RNMT: variants seen among roughly 807,000 people sequenced by gnomAD.
RNMT encodes mRNA cap guanine-N(7) methyltransferase.
RNMT carries 27 observed loss-of-function variants against 56.0 expected under a neutral mutation model. The ratio of observed to expected loss-of-function variants is 0.48; its 90% CI spans 0.36 to 0.67. The LOEUF is 0.67. Among genes scored for constraint, RNMT ranks in the 30% least tolerant of loss-of-function variants. The pLI is 0.00. For synonymous variants in RNMT, 184 were observed against 176.2 expected, an observed-to-expected ratio of 1.04 and a Z score of -0.35; for missense variants, 519 against 552.1, an observed-to-expected ratio of 0.94 and a Z score of 0.60.
intron 5 of RNMT, among the ~76,000 whole-genome samples, chr18:13,739,237 C>A (rs1184092151): frequency 6.6e-6 from 1 of 152,150 alleles, no homozygotes; most frequent in Non-Finnish European, 1.5e-5. Context: ...TGTTAGGTAG[C>A]AGAAATGTTT....
At position 13,762,067 on chromosome 18, in the gene RNMT, A is replaced by G. The variant is rs1354561713; in HGVS notation, c.*2088A>G. The G allele has an allele frequency of 6.5e-7, 1 of 1,536,058 alleles. No homozygotes were observed. Among genetic ancestry groups the G allele is most frequent in the African/African-American group, 1.4e-5 (1 of 73,134 alleles). Reference sequence around the variant, plus strand: ...TTACGGTAACTATTATGAGGGAGGCATGGCTTTCCACCGTCGGGCCAGGAA... The same window carrying G: ...TTACGGTAACTATTATGAGGGAGGCGTGGCTTTCCACCGTCGGGCCAGGAA... On this transcript the variant is annotated 3_prime_UTR_variant, in exon 12 of 12. Transcript: ENST00000383314.
chr18:13,743,322 C>CAAAA (rs55940639), intron 8 of RNMT, among the ~76,000 whole-genome samples: 18 of 28,170 alleles, frequency 6.4e-4, no homozygotes, highest in South Asian at 1.8e-3. Context: ...AACTCCGTCT[C>CAAAA]AAAAAAAAAA....
chr18:13,761,843 A>ACCCCCCCCCCCCC lies in RNMT; in HGVS notation c.*1870_*1871insCCCCCCCCCCCCC. The ACCCCCCCCCCCCC allele has an allele frequency of 1.7e-6, 2 of 1,149,692 alleles. No individual in the cohort carries two copies. The highest frequency in any genetic ancestry group is 1.8e-5 in the South Asian group (1 of 54,954). The allele number at this position is 1,149,692 out of a possible 1,614,324, so 71.2% of individuals were successfully genotyped here. A position where few individuals can be genotyped will look rare whatever the true frequency, so the allele number is the denominator to read the frequency against. On this transcript the variant is annotated 3_prime_UTR_variant, in exon 12 of 12. Coordinates refer to ENST00000383314, the MANE Select transcript of RNMT (RefSeq NM_003799.3). ...ATCAGTTCTTCCTCCACCACCCTACACCCCCCTCCCCCCGGCCCCAAGCCC... is the reference window on the plus strand; with the variant it reads ...ATCAGTTCTTCCTCCACCACCCTACACCCCCCCCCCCCCCCCCCCTCCCCCCGGCCCCAAGCCC...
rs563132015 is a variant in RNMT at position 13,731,772 on chromosome 18, T to C, written c.255T>C (p.Asp85=). The C allele has an allele frequency of 2.5e-6, 4 of 1,612,928 alleles. No homozygotes were observed. The East Asian group carries it at 6.7e-5, about 27-fold the overall frequency. ...CTCCATCCAAGAAGAGAAAACTTGA[T>C]CCTGAAATTGTCCCAGAGGAAAAAG... The part of the protein sequence containing the change: ...KDTPSKKRKL[D]PEIVPEEKDC... Residue 85 remains aspartate (D), a synonymous_variant, in exon 3 of 12, where the codon GAT becomes GAC. Transcript: ENST00000383314.
chr18:13,740,272 G>C lies in RNMT; in HGVS notation c.785G>C (p.Ser262Thr), dbSNP rs1358104721. Residue 262 changes from serine to threonine, a missense_variant, in exon 6 of 12, where the codon AGC (serine) becomes ACC (threonine). Physicochemically the swap from Ser to Thr is moderately conservative, Grantham distance 58 (BLOSUM62 1). Transcript: ENST00000383314. Reference protein sequence around the residue: ...IFSAEFITADSSKELLIDKFR... With the variant: ...IFSAEFITADTSKELLIDKFR... ...AGTGCAGAATTTATAACTGCTGACA[G>C]CTCAAAGGTACAGTTTCTTTCTTTG... 6 of 1,500,472 alleles carry C rather than the reference G, an allele frequency of 4.0e-6. No individual in the cohort carries two copies. Among genetic ancestry groups the C allele is most frequent in the Admixed American group, 1.7e-5 (1 of 59,160 alleles). The allele number at this position is 1,500,472 out of a possible 1,614,324, so 92.9% of individuals were successfully genotyped here. A position where few individuals can be genotyped will look rare whatever the true frequency, so the allele number is the denominator to read the frequency against.
chr18:13,758,032 A>G (rs939158815), intron 11 of RNMT, among the ~76,000 whole-genome samples: 7 of 152,170 alleles, frequency 4.6e-5, no homozygotes, highest in Non-Finnish European at 5.9e-5. Context: ...AATATTTTGA[A>G]AAGAATTTTA....
At chr18:13,758,302 G>C (rs1016585370) in intron 11 of RNMT, among the ~76,000 whole-genome samples, 3 of 152,196 alleles carry the variant, frequency 2.0e-5, no homozygotes, top group African/African-American at 7.2e-5. Flanking sequence ...CTTCTCTCTA[G>C]CTATGAAAGT....
chr18:13,757,808 A>G (rs2044568724), intron 11 of RNMT, among the ~76,000 whole-genome samples: 1 of 152,150 alleles, frequency 6.6e-6, no homozygotes, highest in Admixed American at 6.5e-5. Context: ...TTTTTTATTT[A>G]CTTCATCCAG....
chr18:13,729,269 A>G lies in RNMT; in HGVS notation c.-171-1358A>G, dbSNP rs535159361. Reference sequence around the variant, plus strand: ...GGCTGTAAACATGATGCTTGGTTTTAAACGTTCTTACTTATTTTTGTGGTC... The same window carrying G: ...GGCTGTAAACATGATGCTTGGTTTTGAACGTTCTTACTTATTTTTGTGGTC... On this transcript the variant is annotated intron_variant, in intron 1 of 11. Transcript: ENST00000383314. 2.6e-5 allele frequency among the ~76,000 whole-genome samples: 4 copies of G among 152,304 alleles called. No individual in the cohort carries two copies. In the South Asian group the frequency reaches 6.2e-4, roughly 24 times the overall value.
chr18:13,749,391 G>A (rs2044403890), intron 9 of RNMT, among the ~76,000 whole-genome samples: 1 of 152,208 alleles, frequency 6.6e-6, no homozygotes. Flanking sequence ...AGTGGTTTAT[G>A]CTAATGATAC....
Position 13,734,476 on chromosome 18 carries a change from G to T in RNMT, c.430G>T (p.Gly144Ter). The change falls in exon 4 of 12, where the codon GGA becomes TGA. Residue 144 changes from glycine to a stop codon, truncating the protein, a stop_gained. Coordinates refer to ENST00000383314, the MANE Select transcript of RNMT (RefSeq NM_003799.3). LOFTEE classifies it high-confidence loss of function. ...VPEKQKNLEE[G>*]HSSTVAAHYN... is the part of the protein sequence containing the mutation. ...CTTTTATTTTCAGAATCTGGAAGAA[G>T]GACACAGCTCAACAGTGGCTGCCCA... The T allele has an allele frequency of 6.2e-7, 1 of 1,608,006 alleles. No individual in the cohort carries two copies. The highest frequency in any genetic ancestry group is 8.5e-7 in the Non-Finnish European group (1 of 1,177,990).
chr18:13,754,230 G>A (rs1424667486), intron 11 of RNMT, 83 bp downstream of exon 11: 20 of 903,116 alleles, frequency 2.2e-5, no homozygotes, highest in Non-Finnish European at 3.3e-5. Flanking sequence ...AAAAAGGCTG[G>A]GCACTGTGGC....
At position 13,760,705 on chromosome 18, in the gene RNMT, G is replaced by A; in HGVS notation, c.*726G>A. The A allele has an allele frequency of 1.0e-6, 1 of 985,192 alleles. No homozygotes were observed. The allele number at this position is 985,192 out of a possible 1,614,324, so 61.0% of individuals were successfully genotyped here. On this transcript the variant is annotated 3_prime_UTR_variant, in exon 12 of 12. Transcript: ENST00000383314. Reference sequence around the variant, plus strand: ...TTAGACACATTTACCTTTCTTCATTGAACAAATGGTGCCATAGTTATTTTT... The same window carrying A: ...TTAGACACATTTACCTTTCTTCATTAAACAAATGGTGCCATAGTTATTTTT...
At chr18:13,757,214 G>A (rs2044557606) in intron 11 of RNMT, among the ~76,000 whole-genome samples, 1 of 152,040 alleles carries the variant, frequency 6.6e-6, no homozygotes, top group Non-Finnish European at 1.5e-5. Context: ...CTTGGTGAAG[G>A]GTCTTTCCTC....
At chr18:13,748,175 C>T (rs919045282) in intron 9 of RNMT, among the ~76,000 whole-genome samples, 4 of 152,170 alleles carry the variant, frequency 2.6e-5, no homozygotes, top group South Asian at 4.1e-4. Context: ...GGCAGAGAAA[C>T]CAGAGTGCAC....
rs2044653526 is a variant in RNMT, at chr18:13,764,286, A to G, written c.*4307A>G. 1.3e-5 allele frequency: 2 copies of G among 152,236 alleles called. No homozygotes were observed. Among genetic ancestry groups the G allele is most frequent in the South Asian group, 4.1e-4 (2 of 4,826 alleles). The allele number at this position is 152,236 out of a possible 1,614,324, so 9.4% of individuals were successfully genotyped here. ...GATTTTTCACAAGTGGAGCACGTGC[A>G]TACAATCGGCACCCCAGAAGCCCCC... On this transcript the variant is annotated 3_prime_UTR_variant, in exon 12 of 12. Coordinates refer to ENST00000383314, the MANE Select transcript of RNMT (RefSeq NM_003799.3).
chr18:13,751,700 A>T (rs1568512046), intron 9 of RNMT, among the ~76,000 whole-genome samples: 1 of 151,832 alleles, frequency 6.6e-6, no homozygotes, highest in Non-Finnish European at 1.5e-5. Context: ...TCACAGTAGC[A>T]GAGACATGAA....
chr18:13,750,359 T>C (rs1056597673), intron 9 of RNMT, among the ~76,000 whole-genome samples: 1 of 152,318 alleles, frequency 6.6e-6, no homozygotes, highest in Non-Finnish European at 1.5e-5. Flanking sequence ...ATTTAGCTCT[T>C]TTTATGACAT....
Position 13,732,303 on chromosome 18 carries a change from C to T in RNMT, c.417+369C>T, listed in dbSNP as rs181332587. On this transcript the variant is annotated intron_variant, in intron 3 of 11. Transcript: ENST00000383314. ...CACAACCTCCTGGGCATAAGCAGTCCTCCGGCGTTTTTAAAAAGACTAGAG... is the reference window on the plus strand; with the variant it reads ...CACAACCTCCTGGGCATAAGCAGTCTTCCGGCGTTTTTAAAAAGACTAGAG... Among the ~76,000 whole-genome samples the T allele has an allele frequency of 2.9e-4, 44 of 152,220 alleles. No individual in the cohort carries two copies. In the East Asian group the frequency reaches 7.3e-3, roughly 25 times the overall value.
Sources: allele counts gnomAD v4.1 joint callset (sites outside exome capture counted in the v4.1 genomes callset), GRCh38; gene constraint gnomAD v4.1.1; transcripts MANE v1.5; gene names NCBI Gene and HGNC (gene_info 2026-07-23, HGNC 2026-07-21).